The following SV2C variants were observed in gnomAD, a reference collection of about 807,000 sequenced individuals.
SV2C encodes the protein solute carrier family 22 member B3.
Under a neutral mutation model 79.7 loss-of-function variants are expected in SV2C, and 49 were observed. The ratio of observed to expected loss-of-function variants is 0.61; its 90% CI spans 0.49 to 0.78. The LOEUF (loss-of-function observed/expected upper bound fraction) is 0.78. SV2C is among the 30% of genes least tolerant of loss of function. SV2C has a pLI of 0.00. For missense variants in SV2C, 833 were observed against 912.9 expected (o/e 0.91, Z 1.13); for synonymous variants, 334 against 333.2 (o/e 1.00, Z -0.03).
intron 2 of SV2C, among the ~76,000 whole-genome samples, chr5:76,156,112 A>AG (rs1742718379): frequency 6.6e-6 from 1 of 152,176 alleles, no homozygotes; most frequent in East Asian, 1.9e-4. Flanking sequence ...GTGAATCTTA[A>AG]GCACTGGCCT....
chr5:76,188,544 G>C (rs1055664438), intron 2 of SV2C, among the ~76,000 whole-genome samples: 8 of 152,128 alleles, frequency 5.3e-5, no homozygotes, highest in African/African-American at 1.9e-4. Flanking sequence ...AATGGTAGTA[G>C]AATGAAGACT....
intron 12 of SV2C, among the ~76,000 whole-genome samples, chr5:76,318,342 T>C (rs1386057142): frequency 1.3e-5 from 2 of 151,608 alleles, no homozygotes; most frequent in Non-Finnish European, 2.9e-5. Flanking sequence ...CATTTGAACC[T>C]GGGAGGCGGA....
chr5:76,029,781 T>C, the SV2C span, among the ~76,000 whole-genome samples: 1 of 152,204 alleles, frequency 6.6e-6, no homozygotes, highest in Non-Finnish European at 1.5e-5. Context: ...CCTGCAACTG[T>C]CCATTACAAT....
At chr5:75,854,848 G>A in the SV2C span, among the ~76,000 whole-genome samples, 3 of 152,058 alleles carry the variant, frequency 2.0e-5, no homozygotes, top group African/African-American at 7.2e-5. Flanking sequence ...TAGCTTTTGT[G>A]TTTAGGACTA....
intron 4 of SV2C, among the ~76,000 whole-genome samples, chr5:76,259,115 A>C (rs1395822550): frequency 6.6e-6 from 1 of 152,102 alleles, no homozygotes; most frequent in African/African-American, 2.4e-5. Flanking sequence ...GAAAGAATTA[A>C]TTTTTTTAAG....
rs548572452 is a variant in SV2C, at chr5:76,197,079, A to G, written c.761+1980A>G. Reference sequence around the variant, plus strand: ...GTGTGCCCTACTCCTGCCCATTATCATGGAGTCTTAGGAAAGTCATGCAGG... The same window carrying G: ...GTGTGCCCTACTCCTGCCCATTATCGTGGAGTCTTAGGAAAGTCATGCAGG... On this transcript the variant is annotated intron_variant, in intron 3 of 12. Coordinates refer to ENST00000502798, the MANE Select transcript of SV2C (RefSeq NM_014979.4). Among the ~76,000 whole-genome samples, 14 of 152,334 alleles carry G rather than the reference A, an allele frequency of 9.2e-5. No homozygotes were observed. In the East Asian group the frequency reaches 1.7e-3, roughly 19 times the overall value.
intron 4 of SV2C, chr5:76,281,397 TAAAA>T (rs745421752): frequency 7.3e-4 from 134 of 182,518 alleles, no homozygotes; most frequent in Middle Eastern, 2.1e-3. Context: ...TTATGCAAAG[TAAAA>T]AAAAAAAAAA....
the SV2C span, among the ~76,000 whole-genome samples, chr5:75,907,947 A>T: frequency 6.6e-6 from 1 of 152,226 alleles, no homozygotes; most frequent in Admixed American, 6.5e-5. Context: ...CCATCTCTTC[A>T]TAGGAGCACT....
At chr5:76,157,497 C>T (rs1316882646) in intron 2 of SV2C, among the ~76,000 whole-genome samples, 1 of 151,888 alleles carries the variant, frequency 6.6e-6, no homozygotes, top group Non-Finnish European at 1.5e-5. Flanking sequence ...GTGTAAAAGA[C>T]AGTATTAATG....
At chr5:76,349,903 C>G (rs1044814642) in intron 12 of SV2C, among the ~76,000 whole-genome samples, 9 of 152,006 alleles carry the variant, frequency 5.9e-5, no homozygotes, top group African/African-American at 2.2e-4. Flanking sequence ...GAGTAATAAC[C>G]CCAGGTATGC....
the SV2C span, among the ~76,000 whole-genome samples, chr5:75,987,413 G>T: frequency 6.6e-6 from 1 of 151,962 alleles, no homozygotes; most frequent in East Asian, 1.9e-4. Context: ...CAGGATTCAG[G>T]TACAACATCT....
the SV2C span, among the ~76,000 whole-genome samples, chr5:76,045,801 C>A: frequency 6.6e-6 from 1 of 152,108 alleles, no homozygotes; most frequent in East Asian, 1.9e-4. Flanking sequence ...CTTGCAAGGC[C>A]TCCTTATTCT....
chr5:76,085,043 C>T (rs887528822), intron 1 of SV2C, among the ~76,000 whole-genome samples: 1 of 152,250 alleles, frequency 6.6e-6, no homozygotes, highest in Non-Finnish European at 1.5e-5. Context: ...CCCGCTGAAC[C>T]TAATCCCTTC....
At chr5:75,881,641 T>C in the SV2C span, among the ~76,000 whole-genome samples, 1 of 152,158 alleles carries the variant, frequency 6.6e-6, no homozygotes, top group Non-Finnish European at 1.5e-5. Context: ...TTTCGTACGT[T>C]GATTTTGTAT....
chr5:76,069,974 C>T, the SV2C span, among the ~76,000 whole-genome samples: 66,457 of 151,796 alleles, frequency 0.44, 15,075 homozygotes, highest in East Asian at 0.72. Flanking sequence ...GTCTGTGCAG[C>T]CCCTTTGGGT....
At chr5:75,929,483 G>C in the SV2C span, among the ~76,000 whole-genome samples, 2,252 of 151,908 alleles carry the variant, frequency 0.015, 54 homozygotes, top group African/African-American at 0.052. Flanking sequence ...GTGCAAAGAG[G>C]ATTAAACTGC....
At chr5:75,929,081 C>T in the SV2C span, among the ~76,000 whole-genome samples, 1 of 152,110 alleles carries the variant, frequency 6.6e-6, no homozygotes, top group African/African-American at 2.4e-5. Context: ...TCCCCCAAAT[C>T]ATTAAAAAGT....
the SV2C span, among the ~76,000 whole-genome samples, chr5:75,992,318 T>C: frequency 6.6e-6 from 1 of 151,994 alleles, no homozygotes; most frequent in Non-Finnish European, 1.5e-5. Context: ...ATATAAAATA[T>C]GGTTTACACA....
chr5:76,067,113 T>G, the SV2C span, among the ~76,000 whole-genome samples: 1 of 152,222 alleles, frequency 6.6e-6, no homozygotes, highest in Non-Finnish European at 1.5e-5. Context: ...TAAAATGTTT[T>G]TGTCAAAAAG....
Sources: gnomAD v4.1 joint callset for allele counts (sites outside exome capture counted in the v4.1 genomes callset) on GRCh38, gnomAD v4.1.1 for gene constraint, MANE v1.5 for transcripts, NCBI Gene and HGNC (gene_info 2026-07-23, HGNC 2026-07-21) for gene names.